EIF3M: variants seen among roughly 807,000 people sequenced by gnomAD.
EIF3M encodes B5 receptor.
Under a neutral mutation model 49.7 loss-of-function variants are expected in EIF3M, and 25 were observed. The observed-to-expected ratio is 0.50, with a 90% CI of 0.37 to 0.70. The LOEUF (loss-of-function observed/expected upper bound fraction) is 0.70. Ranked by LOEUF, EIF3M falls within the 30% of genes least tolerant of loss-of-function variation. EIF3M has a pLI of 0.00. For synonymous variants in EIF3M, 156 were observed against 149.8 expected, an observed-to-expected ratio of 1.04 and a Z score of -0.30; for missense variants, 350 against 440.0, an observed-to-expected ratio of 0.80 and a Z score of 1.83.
intron 7 of EIF3M, 46 bp downstream of exon 7, chr11:32,595,059 A>G: frequency 6.5e-7 from 1 of 1,531,220 alleles, no homozygotes; most frequent in East Asian, 2.3e-5. Context: ...CCTTTCCTAA[A>G]TTTTACATAC....
At chr11:32,584,015 G>A in intron 1 of EIF3M, 86 bp downstream of exon 1, 2 of 1,558,042 alleles carry the variant, frequency 1.3e-6, no homozygotes, top group South Asian at 2.3e-5. Flanking sequence ...TGGGCCGGGC[G>A]GCCGGGGCTG....
chr11:32,587,197 C>A lies in EIF3M; in HGVS notation c.175+53C>A, dbSNP rs1855015040. The A allele has an allele frequency of 4.7e-6, 7 of 1,503,872 alleles. No homozygotes were observed. In the Admixed American group the frequency reaches 1.0e-4, roughly 22 times the overall value. The allele number at this position is 1,503,872 out of a possible 1,614,324, so 93.2% of individuals were successfully genotyped here. On this transcript the variant is annotated intron_variant, in intron 2 of 10. Coordinates refer to ENST00000531120, the MANE Select transcript of EIF3M (RefSeq NM_006360.6). ...TCCTAATAAAATCTTTTAAATTTTT[C>A]TTGTGAATTATAGAGTCGTCCCTCA...
chr11:32,602,253 A>G lies in EIF3M; in HGVS notation c.1005-26A>G, dbSNP rs1156910212. On this transcript the variant is annotated intron_variant, in intron 10 of 10. Coordinates refer to ENST00000531120, the MANE Select transcript of EIF3M (RefSeq NM_006360.6). The stretch of plus-strand genomic sequence containing the variant: ...ACCAGAGGCTAAAAGGTTGACTAAC[A>G]CTGTGTTTAATTTTTCAATTTTTAG... 3 of 1,602,562 alleles carry G rather than the reference A, an allele frequency of 1.9e-6. 1 individual carries two copies. The South Asian group carries it at 3.4e-5, about 18-fold the overall frequency.
chr11:32,594,699 T>C (rs1855152993), intron 6 of EIF3M: 2 of 378,218 alleles, frequency 5.3e-6, no homozygotes, highest in East Asian at 8.6e-5. Flanking sequence ...GCTATGTTTT[T>C]ATCTACAATT....
intron 8 of EIF3M, among the ~76,000 whole-genome samples, chr11:32,596,358 G>T (rs577489220): frequency 6.6e-6 from 1 of 151,940 alleles, no homozygotes; most frequent in Non-Finnish European, 1.5e-5. Flanking sequence ...TTTGGAGGCC[G>T]AGGCGGGCGG....
Position 32,605,148 on chromosome 11 carries a change from G to A in EIF3M, c.*2749G>A, listed in dbSNP as rs1330634869. The stretch of plus-strand genomic sequence containing the variant: ...ATTACAGGCATGAGCCACCCTGCCC[G>A]ACCTAGTAATACTTTTTTTTTTTTT... On this transcript the variant is annotated 3_prime_UTR_variant, in exon 11 of 11. Transcript: ENST00000531120. 3 of 149,770 alleles carry A rather than the reference G, an allele frequency of 2.0e-5. No individual in the cohort carries two copies. The highest frequency in any genetic ancestry group is 7.4e-5 in the African/African-American group (3 of 40,630). The allele number at this position is 149,770 out of a possible 1,614,324, so 9.3% of individuals were successfully genotyped here. A position where few individuals can be genotyped will look rare whatever the true frequency, so the allele number is the denominator to read the frequency against.
At chr11:32,594,780 C>T (rs1855154184) in intron 6 of EIF3M, 134 bp from the exon 7 acceptor site, 3 of 667,380 alleles carry the variant, frequency 4.5e-6, no homozygotes, top group Non-Finnish European at 7.2e-6. Flanking sequence ...AATCCTGTAG[C>T]TTTTTTAATG....
At chr11:32,592,596 A>T in intron 5 of EIF3M, 1 of 538,196 alleles carries the variant, frequency 1.9e-6, no homozygotes, top group Non-Finnish European at 3.6e-6. Flanking sequence ...AGAGTAAGTC[A>T]CAAAACCAGA....
intron 1 of EIF3M, among the ~76,000 whole-genome samples, chr11:32,585,479 A>C (rs1854981047): frequency 2.0e-5 from 3 of 152,202 alleles, no homozygotes; most frequent in Admixed American, 2.0e-4. Context: ...CAGCTTGATT[A>C]GAGTTAAATG....
intron 1 of EIF3M, among the ~76,000 whole-genome samples, chr11:32,586,209 C>T (rs1854995186): frequency 6.6e-6 from 1 of 152,084 alleles, no homozygotes; most frequent in Non-Finnish European, 1.5e-5. Flanking sequence ...TGCTATTGCA[C>T]TCCAGCCTGG....
In EIF3M at chr11:32,600,823, G is replaced by T. The variant is rs1359167628; in HGVS notation, c.934G>T (p.Val312Phe). Residue 312 changes from valine to phenylalanine, a missense_variant, in exon 9 of 11, where the codon GTT becomes TTT. By Grantham distance (50) the Val-to-Phe change is conservative. Coordinates refer to ENST00000531120, the MANE Select transcript of EIF3M (RefSeq NM_006360.6). ...TGGAGCTGATGATGTTGAAGCATTT[G>T]TTATTGACGGTAAGGCAGACAGAAC... ...QIGADDVEAF[V>F]IDAVRTKMVY... The T allele has an allele frequency of 6.2e-7, 1 of 1,604,700 alleles. No homozygotes were observed. Among genetic ancestry groups the T allele is most frequent in the Non-Finnish European group, 8.5e-7 (1 of 1,175,646 alleles).
chr11:32,583,962 G>C, intron 1 of EIF3M, 33 bp downstream of exon 1: 1 of 1,611,826 alleles, frequency 6.2e-7, no homozygotes, highest in Non-Finnish European at 8.5e-7. Context: ...CGCCACGGTG[G>C]GGTGGGGGAT....
chr11:32,596,980 C>G (rs1212270336), intron 8 of EIF3M, among the ~76,000 whole-genome samples: 1 of 152,086 alleles, frequency 6.6e-6, no homozygotes, highest in Non-Finnish European at 1.5e-5. Flanking sequence ...GAACTTTAGG[C>G]CCTTCCAGCT....
In EIF3M at chr11:32,602,832, T is replaced by A. The variant is rs1230820117; in HGVS notation, c.*433T>A. 2 of 1,599,208 alleles carry A rather than the reference T, an allele frequency of 1.3e-6. No individual in the cohort carries two copies. Among genetic ancestry groups the A allele is most frequent in the East Asian group, 4.5e-5 (2 of 44,730 alleles). ...TACATTATTTTAATCTGTTGTTTTT[T>A]TCCAACGTCTCTTCTGCTTTTCTTT... On this transcript the variant is annotated 3_prime_UTR_variant, in exon 11 of 11. Transcript: ENST00000531120.
chr11:32,595,838 G>A, intron 7 of EIF3M, 128 bp from the exon 8 acceptor site: 1 of 666,352 alleles, frequency 1.5e-6, no homozygotes. Flanking sequence ...GAAACAGAAT[G>A]ATATTTCTGC....
At position 32,586,428 on chromosome 11, in the gene EIF3M, A is replaced by G. The variant is rs565389625; in HGVS notation, c.43-584A>G. On this transcript the variant is annotated intron_variant, in intron 1 of 10. Transcript: ENST00000531120. ...ACTCAGATATGCATTTTTAATTTTA[A>G]GAGATTAGTTACATAACAGATCCAG... Among the ~76,000 whole-genome samples the G allele has an allele frequency of 2.8e-4, 43 of 152,194 alleles. 1 individual carries two copies. Among genetic ancestry groups the G allele is most frequent in the Non-Finnish European group, 5.1e-4 (35 of 68,046 alleles).
At chr11:32,599,852 T>C (rs12792216) in intron 8 of EIF3M, among the ~76,000 whole-genome samples, 12,835 of 151,882 alleles carry the variant, frequency 0.085, 625 homozygotes, top group South Asian at 0.12. Flanking sequence ...CCCCATTTAA[T>C]CTCTTTGCTC....
chr11:32,601,948 C>A, intron 10 of EIF3M, 126 bp downstream of exon 10: 2 of 1,032,136 alleles, frequency 1.9e-6, no homozygotes, highest in South Asian at 1.5e-5. Flanking sequence ...TGCTATTTAT[C>A]ATAATTTTAT....
At position 32,587,115 on chromosome 11, in the gene EIF3M, G is replaced by A; in HGVS notation, c.146G>A (p.Cys49Tyr). ...HVDLAQIIEACDVCLKEDDKD... is the reference protein window; with the variant it reads ...HVDLAQIIEAYDVCLKEDDKD... ...GATTTAGCTCAAATTATTGAAGCCT[G>A]TGATGTGTGTCTGAAGGAGGATGAT... Residue 49 changes from cysteine (C) to tyrosine (Y), a missense_variant, in exon 2 of 11, where the codon TGT becomes TAT. By Grantham distance (194) the Cys-to-Tyr change is radical. Transcript: ENST00000531120. The A allele has an allele frequency of 6.2e-7, 1 of 1,611,604 alleles. No homozygotes were observed.
Sources: allele counts gnomAD v4.1 joint callset (sites outside exome capture counted in the v4.1 genomes callset), GRCh38; gene constraint gnomAD v4.1.1; transcripts MANE v1.5; gene names NCBI Gene and HGNC (gene_info 2026-07-23, HGNC 2026-07-21).